DPYSL3: variants seen among roughly 807,000 people sequenced by gnomAD.
DPYSL3 encodes dihydropyrimidinase like 3.
DPYSL3 carries 16 observed loss-of-function variants against 66.1 expected under a neutral mutation model. That is an observed-to-expected ratio of 0.24 (90% confidence interval 0.16 to 0.37). The LOEUF is 0.37. Among genes scored for constraint, DPYSL3 ranks in the 10% least tolerant of loss-of-function variants. The probability of loss-of-function intolerance (pLI) is 1.00; values close to 1 mark genes in which losing one functional copy is unlikely to be tolerated. For synonymous variants in DPYSL3, 338 were observed against 345.1 expected (o/e 0.98, Z 0.23); for missense variants, 738 against 916.2 (o/e 0.81, Z 2.51).
intron 1 of DPYSL3, among the ~76,000 whole-genome samples, chr5:147,462,609 G>A (rs1049734145): frequency 6.6e-6 from 1 of 152,114 alleles, no homozygotes; most frequent in African/African-American, 2.4e-5. Context: ...AAGCCTGGTA[G>A]GTCTCTTCAG....
rs1161312799 is a variant in DPYSL3, at chr5:147,490,702, T to TAGAC, written c.381+18772_381+18775dup. ...GCAAACCATTTCCCCCAAAACTGGG[T>TAGAC]AGACAGACAGACAGATACAGAGAAT... On this transcript the variant is annotated intron_variant, in intron 1 of 13. Transcript: ENST00000343218. Among the ~76,000 whole-genome samples the TAGAC allele has an allele frequency of 2.6e-5, 4 of 152,070 alleles. No individual in the cohort carries two copies. In the East Asian group the frequency reaches 5.8e-4, roughly 22 times the overall value.
At chr5:147,435,841 T>C (rs1752403876) in intron 1 of DPYSL3, among the ~76,000 whole-genome samples, 1 of 152,158 alleles carries the variant, frequency 6.6e-6, no homozygotes, top group East Asian at 1.9e-4. Flanking sequence ...TAACAAAGTG[T>C]GGGCAGTGTT....
At chr5:147,490,032 T>C (rs1194859035) in intron 1 of DPYSL3, among the ~76,000 whole-genome samples, 2 of 152,192 alleles carry the variant, frequency 1.3e-5, no homozygotes, top group East Asian at 3.8e-4. Flanking sequence ...TCTTTTACAA[T>C]ATCCCACTTA....
At position 147,412,624 on chromosome 5, in the gene DPYSL3, C is replaced by G. The variant is rs370048196; in HGVS notation, c.947G>C (p.Gly316Ala). 6.2e-7 allele frequency: 1 copy of G among 1,612,684 alleles called. No homozygotes were observed. Among genetic ancestry groups the G allele is most frequent in the Non-Finnish European group, 8.5e-7 (1 of 1,179,442 alleles). Residue 316 changes from glycine (G) to alanine (A), a missense_variant, in exon 6 of 14, where the codon GGG becomes GCG. Coordinates refer to ENST00000343218, the MANE Select transcript of DPYSL3 (RefSeq NM_001197294.2). ...GAIAQVHAEN[G>A]DIIAQEQTRM... ...CGGTGTTACCTGGGCAATGATATCC[C>G]CATTCTCAGCATGAACTTGAGCAAT...
intron 1 of DPYSL3, among the ~76,000 whole-genome samples, chr5:147,497,827 C>T (rs1263831454): frequency 6.6e-6 from 1 of 152,028 alleles, no homozygotes; most frequent in Non-Finnish European, 1.5e-5. Context: ...CAAAGCTTTC[C>T]TACTAAGATT....
intron 1 of DPYSL3, among the ~76,000 whole-genome samples, chr5:147,437,575 G>A (rs942267880): frequency 6.6e-6 from 1 of 152,196 alleles, no homozygotes; most frequent in Admixed American, 6.5e-5. Context: ...GTCACACCAG[G>A]CGGCCATGAA....
chr5:147,399,264 T>C lies in DPYSL3; in HGVS notation c.1453-12A>G, dbSNP rs747921457. ...ATTTTCCCTGTGGCCTATTGAAATA[T>C]AAGAAATTATATCTATATCTATAGC... On this transcript the variant is annotated splice_polypyrimidine_tract_variant and intron_variant, in intron 10 of 13. Coordinates refer to ENST00000343218, the MANE Select transcript of DPYSL3 (RefSeq NM_001197294.2). 1.1e-5 allele frequency: 18 copies of C among 1,612,812 alleles called. No homozygotes were observed. The highest frequency in any genetic ancestry group is 5.5e-5 in the South Asian group (5 of 90,872).
At chr5:147,399,973 G>A (rs971622041) in intron 10 of DPYSL3, among the ~76,000 whole-genome samples, 37 of 152,242 alleles carry the variant, frequency 2.4e-4, no homozygotes, top group African/African-American at 8.4e-4. Flanking sequence ...AGCTTCCTGG[G>A]AGCAAAGAAG....
chr5:147,484,001 C>T (rs1263296381), intron 1 of DPYSL3, among the ~76,000 whole-genome samples: 2 of 152,094 alleles, frequency 1.3e-5, no homozygotes, highest in African/African-American at 4.8e-5. Context: ...AAGAGTTGAC[C>T]AGGATCTTAG....
chr5:147,397,898 G>A lies in DPYSL3; in HGVS notation c.1624-53C>T, dbSNP rs568190171. ...ACAGTAAGGGTAGAGAAAGAGGAACGTACCTTCTCTCCTTGAGACCTTCAG... is the reference window on the plus strand; with the variant it reads ...ACAGTAAGGGTAGAGAAAGAGGAACATACCTTCTCTCCTTGAGACCTTCAG... On this transcript the variant is annotated intron_variant, in intron 11 of 13. Transcript: ENST00000343218. The A allele has an allele frequency of 1.6e-5, 13 of 830,846 alleles. No individual in the cohort carries two copies. The African/African-American group carries it at 1.7e-4, about 11-fold the overall frequency. The allele number at this position is 830,846 out of a possible 1,614,324, so 51.5% of individuals were successfully genotyped here. A position where few individuals can be genotyped will look rare whatever the true frequency, so the allele number is the denominator to read the frequency against.
chr5:147,444,091 CAA>C (rs1752586449), intron 1 of DPYSL3, among the ~76,000 whole-genome samples: 1 of 152,084 alleles, frequency 6.6e-6, no homozygotes, highest in African/African-American at 2.4e-5. Context: ...CAATTGGAAT[CAA>C]AGTCTTGTGA....
chr5:147,448,802 C>T (rs1369072953), intron 1 of DPYSL3, among the ~76,000 whole-genome samples: 6 of 152,218 alleles, frequency 3.9e-5, no homozygotes, highest in Admixed American at 6.5e-5. Flanking sequence ...CTGAGGCCTT[C>T]TCCTAGTATT....
chr5:147,408,871 T>A, intron 6 of DPYSL3, 75 bp from the exon 7 acceptor site: 1 of 1,371,980 alleles, frequency 7.3e-7, no homozygotes, highest in Non-Finnish European at 1.0e-6. Context: ...TATGTTCTGA[T>A]CTAAAGATCT....
intron 1 of DPYSL3, among the ~76,000 whole-genome samples, chr5:147,507,338 CTTAAT>C (rs1305214476): frequency 6.8e-6 from 1 of 147,880 alleles, no homozygotes; most frequent in African/African-American, 2.5e-5. Context: ...TAGATTTGGG[CTTAAT>C]TTTTTTTTTT....
At chr5:147,486,671 C>T (rs1400291481) in intron 1 of DPYSL3, among the ~76,000 whole-genome samples, 2 of 152,166 alleles carry the variant, frequency 1.3e-5, no homozygotes, top group Non-Finnish European at 2.9e-5. Flanking sequence ...GCTATTAACC[C>T]TGAAGAGACT....
intron 1 of DPYSL3, among the ~76,000 whole-genome samples, chr5:147,508,175 A>C (rs971095040): frequency 6.6e-6 from 1 of 152,216 alleles, no homozygotes; most frequent in Admixed American, 6.5e-5. Context: ...ATTTCAGAGG[A>C]AGCCGACATT....
chr5:147,509,265 G>T lies in DPYSL3; in HGVS notation c.381+213C>A, dbSNP rs149693844. ...GCAGGGGAACCCGGGCATCCCTTCC[G>T]CGCTTGCACGAAGATGCTGCAAGTG... is the stretch of plus-strand genomic sequence containing the variant. On this transcript the variant is annotated intron_variant, in intron 1 of 13. Transcript: ENST00000343218. The surrounding 1 kb of genome is among the most constrained non-coding windows in gnomAD (Gnocchi z 5.3). Among the ~76,000 whole-genome samples, 1,373 of 152,310 alleles carry T rather than the reference G, an allele frequency of 9.0e-3. 8 individuals carry two copies. Among genetic ancestry groups the T allele is most frequent in the Non-Finnish European group, 0.014 (926 of 68,034 alleles).
intron 1 of DPYSL3, among the ~76,000 whole-genome samples, chr5:147,459,751 T>C (rs1222022588): frequency 6.6e-6 from 1 of 152,230 alleles, no homozygotes; most frequent in Admixed American, 6.5e-5. Flanking sequence ...GTTTGAAGGA[T>C]TCTGACCTGC....
At position 147,395,730 on chromosome 5, in the gene DPYSL3, A is replaced by G; in HGVS notation, c.1804-9T>C. On this transcript the variant is annotated splice_polypyrimidine_tract_variant and intron_variant, in intron 12 of 13. Transcript: ENST00000343218. ...GCATGCAGGTCTGCCATCTGCAGCC[A>G]GAGAAGAGCATGTCACCATTCATTC... The G allele has an allele frequency of 6.2e-7, 1 of 1,613,484 alleles. No homozygotes were observed. The highest frequency in any genetic ancestry group is 8.5e-7 in the Non-Finnish European group (1 of 1,180,000).
Sources: gnomAD v4.1 joint callset for allele counts (sites outside exome capture counted in the v4.1 genomes callset) on GRCh38, gnomAD v4.1.1 for gene constraint, Gnocchi (gnomAD v3.1) non-coding constraint, MANE v1.5 for transcripts, NCBI Gene and HGNC (gene_info 2026-07-23, HGNC 2026-07-21) for gene names.